Variants in CCDC7 observed in about 807,000 individuals in gnomAD.
CCDC7 encodes coiled-coil domain containing 7.
Under a neutral mutation model 196.9 loss-of-function variants are expected in CCDC7, and 183 were observed. That is an observed-to-expected ratio of 0.93 (90% CI 0.82 to 1.05). CCDC7 has a LOEUF of 1.05. Ranked by LOEUF, CCDC7 falls within the 50% of genes least tolerant of loss-of-function variation. CCDC7 has a pLI of 0.00. For missense variants in CCDC7, 1,540 were observed against 1,482.2 expected, an observed-to-expected ratio of 1.04 and a Z score of -0.64; for synonymous variants, 525 against 484.6, an observed-to-expected ratio of 1.08 and a Z score of -1.10.
At chr10:32,842,682 G>T (rs764526089) in intron 33 of CCDC7, among the ~76,000 whole-genome samples, 6 of 151,994 alleles carry the variant, frequency 3.9e-5, no homozygotes. Flanking sequence ...GCAAAAATAT[G>T]GAATCAGCCC....
intron 8 of CCDC7, among the ~76,000 whole-genome samples, chr10:32,477,310 C>T (rs1453094179): frequency 6.6e-6 from 1 of 151,810 alleles, no homozygotes; most frequent in Non-Finnish European, 1.5e-5. Flanking sequence ...TCAAGTGATT[C>T]TCCTGCCTCA....
chr10:32,822,304 A>T (rs1401404174), intron 31 of CCDC7, among the ~76,000 whole-genome samples: 1 of 152,212 alleles, frequency 6.6e-6, no homozygotes, highest in East Asian at 1.9e-4. Context: ...ATATAATTGT[A>T]TCATTGGGCA....
chr10:32,645,352 G>A (rs1035526114), intron 20 of CCDC7, among the ~76,000 whole-genome samples: 2 of 152,048 alleles, frequency 1.3e-5, no homozygotes, highest in African/African-American at 2.4e-5. Flanking sequence ...TGAACCATCT[G>A]TACTTCCCTG....
At chr10:32,606,021 T>A (rs1293420833) in intron 18 of CCDC7, among the ~76,000 whole-genome samples, 1 of 152,140 alleles carries the variant, frequency 6.6e-6, no homozygotes, top group Non-Finnish European at 1.5e-5. Flanking sequence ...CCCAGAAGCT[T>A]AAGAGGAAAG....
intron 28 of CCDC7, among the ~76,000 whole-genome samples, chr10:32,740,506 A>G (rs1300681149): frequency 1.3e-5 from 2 of 152,162 alleles, no homozygotes; most frequent in African/African-American, 4.8e-5. Flanking sequence ...CCCACTTTTC[A>G]TATACAAGTT....
At chr10:32,555,391 G>A (rs904491165) in intron 13 of CCDC7, among the ~76,000 whole-genome samples, 3 of 151,874 alleles carry the variant, frequency 2.0e-5, no homozygotes, top group East Asian at 1.9e-4. Flanking sequence ...GACTATGGGC[G>A]GGCGCCACCA....
chr10:32,768,878 G>T (rs981348355), intron 28 of CCDC7, among the ~76,000 whole-genome samples: 1 of 151,992 alleles, frequency 6.6e-6, no homozygotes, highest in South Asian at 2.1e-4. Context: ...ACTTAATCAT[G>T]GTATATTATA....
At chr10:32,500,022 C>CACAGAAAGAA (rs2043638123) in intron 9 of CCDC7, among the ~76,000 whole-genome samples, 2 of 152,224 alleles carry the variant, frequency 1.3e-5, no homozygotes, top group African/African-American at 4.8e-5. Context: ...GACACAGTAA[C>CACAGAAAGAA]AATCTGATCT....
intron 31 of CCDC7, among the ~76,000 whole-genome samples, chr10:32,818,595 A>G (rs58936249): frequency 0.089 from 13,506 of 152,146 alleles, 863 homozygotes; most frequent in East Asian, 0.33. Context: ...GAAGTAAAGC[A>G]CTCCTCAGCA....
At chr10:32,550,648 G>C (rs1038420499) in intron 13 of CCDC7, among the ~76,000 whole-genome samples, 3 of 152,116 alleles carry the variant, frequency 2.0e-5, no homozygotes, top group African/African-American at 7.2e-5. Context: ...TGCATCTACT[G>C]AGATGATTGT....
chr10:32,568,011 T>TGG, intron 15 of CCDC7, 120 bp downstream of exon 16: 1 of 1,016,476 alleles, frequency 9.8e-7, no homozygotes, highest in East Asian at 3.2e-5. Context: ...TTTGGGTTTT[T>TGG]TTTTTTTTTT....
intron 28 of CCDC7, among the ~76,000 whole-genome samples, chr10:32,732,743 C>T (rs920212326): frequency 1.3e-5 from 2 of 152,072 alleles, no homozygotes; most frequent in African/African-American, 4.8e-5. Flanking sequence ...CATATACCAC[C>T]TTCCCCCACC....
intron 28 of CCDC7, among the ~76,000 whole-genome samples, chr10:32,759,519 G>A (rs1166584448): frequency 1.3e-5 from 2 of 152,064 alleles, no homozygotes; most frequent in Non-Finnish European, 2.9e-5. Context: ...AATAAATGGT[G>A]CTGGGAAAAC....
chr10:32,821,096 C>A (rs1421511052), intron 31 of CCDC7, among the ~76,000 whole-genome samples: 1 of 152,134 alleles, frequency 6.6e-6, no homozygotes, highest in Non-Finnish European at 1.5e-5. Flanking sequence ...CCAGAATCTA[C>A]AATGAACTCA....
intron 28 of CCDC7, among the ~76,000 whole-genome samples, chr10:32,736,480 G>T (rs567911430): frequency 1.3e-5 from 2 of 152,062 alleles, no homozygotes; most frequent in Non-Finnish European, 2.9e-5. Flanking sequence ...ATGCTGGTGC[G>T]CTGCCCCCAC....
intron 21 of CCDC7, among the ~76,000 whole-genome samples, chr10:32,669,425 C>A (rs1591381463): frequency 1.3e-5 from 2 of 151,960 alleles, no homozygotes; most frequent in South Asian, 4.1e-4. Context: ...GATCTCTCTT[C>A]TTCTATTTTT....
At chr10:32,579,805 G>T (rs1051389682) in intron 16 of CCDC7, among the ~76,000 whole-genome samples, 8 of 151,902 alleles carry the variant, frequency 5.3e-5, no homozygotes, top group Non-Finnish European at 8.8e-5. Context: ...GACTATATAC[G>T]ATATGGACAC....
rs1229422116 is a variant in CCDC7 at position 32,817,409 on chromosome 10, C to T, written c.3181+2956C>T. On this transcript the variant is annotated intron_variant, in intron 31 of 41. Coordinates refer to ENST00000639629, the Ensembl canonical transcript of CCDC7. Reference sequence around the variant, plus strand: ...GAGAATGGAACCAAGTTGGAAAACACTCTGTAGGATATTATCCAGGAGAAC... The same window carrying T: ...GAGAATGGAACCAAGTTGGAAAACATTCTGTAGGATATTATCCAGGAGAAC... 3.9e-5 allele frequency among the ~76,000 whole-genome samples: 6 copies of T among 152,192 alleles called. No homozygotes were observed. The East Asian group carries it at 9.6e-4, about 24-fold the overall frequency.
chr10:32,715,366 G>A (rs544710657), intron 25 of CCDC7, among the ~76,000 whole-genome samples: 1 of 152,118 alleles, frequency 6.6e-6, no homozygotes, highest in Non-Finnish European at 1.5e-5. Context: ...TCAACAAAAA[G>A]GAAACCCACG....
Sources: gnomAD v4.1 joint callset for allele counts (sites outside exome capture counted in the v4.1 genomes callset) on GRCh38, gnomAD v4.1.1 for gene constraint, MANE v1.5 for transcripts, NCBI Gene and HGNC (gene_info 2026-07-23, HGNC 2026-07-21) for gene names.